CARD10: variants seen among roughly 807,000 people sequenced by gnomAD.
The protein encoded by CARD10 is caspase recruitment domain-containing protein 10.
Under a neutral mutation model 114.6 loss-of-function variants are expected in CARD10, and 49 were observed. The observed-to-expected ratio is 0.43, with a 90% CI of 0.34 to 0.54. The LOEUF (loss-of-function observed/expected upper bound fraction) is 0.54, where lower values mean the gene tolerates loss of function less well. CARD10 is among the 20% of genes least tolerant of loss of function. The pLI is 0.03. For synonymous variants in CARD10, 602 were observed against 593.2 expected (o/e 1.01, Z -0.21); for missense variants, 1,206 against 1,397.2 (o/e 0.86, Z 2.18).
In CARD10 at chr22:37,495,900, G is replaced by C. The variant is rs1377689928; in HGVS notation, c.2163C>G (p.Pro721=). The C allele has an allele frequency of 3.7e-6, 6 of 1,614,150 alleles. No individual in the cohort carries two copies. The highest frequency in any genetic ancestry group is 5.1e-6 in the Non-Finnish European group (6 of 1,180,042). The part of the protein sequence containing the change: ...ANLTLPERAD[P]HALCVKAQEI... ...CTTGGGCTTTCACGCAAAGGGCATG[G>C]GGATCTGCCCTCTCAGGCAAGGTGA... The change falls in exon 14 of 20, where the codon CCC becomes CCG. Residue 721 remains proline, a synonymous_variant. Coordinates refer to ENST00000251973, the MANE Select transcript of CARD10 (RefSeq NM_014550.4).
At chr22:37,512,415 G>C (rs1279294730) in intron 3 of CARD10, among the ~76,000 whole-genome samples, 1 of 150,134 alleles carries the variant, frequency 6.7e-6, no homozygotes, top group East Asian at 2.0e-4. Context: ...CTCTTGGAAA[G>C]TGACTTGCTA....
chr22:37,491,475 G>T (rs1212143821), intron 19 of CARD10, 82 bp from the exon 20 acceptor site: 9 of 1,008,218 alleles, frequency 8.9e-6, no homozygotes, highest in Non-Finnish European at 1.1e-5. Context: ...AGACAAAGGG[G>T]GAAGAGTCAG....
At chr22:37,498,917 G>T (rs1481641259) in intron 11 of CARD10, among the ~76,000 whole-genome samples, 5 of 127,458 alleles carry the variant, frequency 3.9e-5, no homozygotes, top group Non-Finnish European at 8.3e-5. Context: ...GGGGGGGGGG[G>T]CACATGAATA....
chr22:37,509,446 G>T (rs1257368509), intron 4 of CARD10, among the ~76,000 whole-genome samples: 1 of 152,110 alleles, frequency 6.6e-6, no homozygotes. Context: ...AGGGCCCTCA[G>T]CTCAGAGCTT....
chr22:37,491,969 A>G, intron 18 of CARD10, 102 bp from the exon 19 acceptor site: 1 of 756,944 alleles, frequency 1.3e-6, no homozygotes, highest in Non-Finnish European at 2.3e-6. Flanking sequence ...TCCCAGATGC[A>G]AGTCCTGCCT....
At chr22:37,504,398 A>T in intron 8 of CARD10, 97 bp from the exon 9 acceptor site, 1 of 1,065,030 alleles carries the variant, frequency 9.4e-7, no homozygotes, top group South Asian at 1.7e-5. Context: ...AATGAGAAGT[A>T]GGGCCCAGAG....
chr22:37,510,186 G>A, intron 4 of CARD10, 26 bp downstream of exon 4: 1 of 1,590,156 alleles, frequency 6.3e-7, no homozygotes, highest in East Asian at 2.2e-5. Context: ...CCCCCAGCCT[G>A]TGCCCACAAG....
At position 37,511,375 on chromosome 22, in the gene CARD10, A is replaced by AAAG. The variant is rs1252024837; in HGVS notation, c.700-957_700-955dup. Among the ~76,000 whole-genome samples, 428 of 117,166 alleles carry AAAG rather than the reference A, an allele frequency of 3.7e-3. 3 individuals carry two copies. The highest frequency in any genetic ancestry group is 7.1e-3 in the East Asian group (24 of 3,388). 76.9% of individuals were successfully genotyped at this position (117,166 alleles called of 152,430 possible). A position where few individuals can be genotyped will look rare whatever the true frequency, so the allele number is the denominator to read the frequency against. ...CCTGTCTCAAAAAAAAAAAAAAAAA[A>AAAG]AAGAAGAAGAAGGAGAAGGGGGTGA... is the stretch of plus-strand genomic sequence containing the variant. On this transcript the variant is annotated intron_variant, in intron 3 of 19. Transcript: ENST00000251973.
rs917610094 is a variant in CARD10 at position 37,501,842 on chromosome 22, A to G, written c.1787+760T>C. The stretch of plus-strand genomic sequence containing the variant: ...ATAACTAAACCCTCCCACATTTCCC[A>G]GAGTGTACAAGCCAAAGTCCACACT... On this transcript the variant is annotated intron_variant, in intron 11 of 19. Transcript: ENST00000251973. The surrounding 1 kb of genome is among the most constrained non-coding windows in gnomAD (Gnocchi z 5.4). 6.6e-6 allele frequency among the ~76,000 whole-genome samples: 1 copy of G among 152,200 alleles called. No individual in the cohort carries two copies. Among genetic ancestry groups the G allele is most frequent in the Non-Finnish European group, 1.5e-5 (1 of 68,028 alleles).
chr22:37,516,622 G>C (rs1923854622), intron 2 of CARD10, among the ~76,000 whole-genome samples: 2 of 152,192 alleles, frequency 1.3e-5, no homozygotes, highest in Middle Eastern at 3.4e-3. Flanking sequence ...AAATCAATAA[G>C]ATCAACAACC....
At chr22:37,518,765 T>C (rs1036274774) in intron 1 of CARD10, among the ~76,000 whole-genome samples, 1 of 152,124 alleles carries the variant, frequency 6.6e-6, no homozygotes, top group Admixed American at 6.5e-5. Flanking sequence ...CTGACCCCGG[T>C]GTGGGCAACG....
At position 37,495,533 on chromosome 22, in the gene CARD10, C is replaced by T. The variant is rs200567275; in HGVS notation, c.2357G>A (p.Arg786Gln). The T allele has an allele frequency of 9.9e-5, 160 of 1,612,274 alleles. No individual in the cohort carries two copies. In the East Asian group the frequency reaches 2.3e-3, roughly 23 times the overall value. The change falls in exon 15 of 20, where the codon CGA becomes CAA. Residue 786 changes from arginine to glutamine, a missense_variant. Arg to Gln is a conservative substitution (Grantham distance 43). Transcript: ENST00000251973. ...QEKCLPSSRH[R>Q]GPRSNLKKRA... ...CGTGCTCACATTACTGCGGGGGCCT[C>T]GGTGCCGGCTGGAGGGCAGGCATTT...
Position 37,494,098 on chromosome 22 carries a change from C to G in CARD10, c.2464G>C (p.Glu822Gln). ...CCCGCGCACTCACCTGCACAGGGCT[C>G]CAGCAGCAGCTGATCCGGGGAGTCC... ...AGDSPDQLLLEPCAEPERSLR... is the reference protein window; with the variant it reads ...AGDSPDQLLLQPCAEPERSLR... The change falls in exon 16 of 20, where the codon GAG becomes CAG. Residue 822 changes from glutamate to glutamine, a missense_variant. Transcript: ENST00000251973. The G allele has an allele frequency of 6.4e-7, 1 of 1,556,002 alleles. No homozygotes were observed. Among genetic ancestry groups the G allele is most frequent in the Non-Finnish European group, 8.7e-7 (1 of 1,149,782 alleles).
chr22:37,499,128 TC>T (rs1923120393), intron 11 of CARD10, among the ~76,000 whole-genome samples: 1 of 152,070 alleles, frequency 6.6e-6, no homozygotes, highest in South Asian at 2.1e-4. Context: ...ACCTTTTTGT[TC>T]CAGGCATGTG....
intron 2 of CARD10, among the ~76,000 whole-genome samples, chr22:37,516,803 G>A (rs1923859166): frequency 6.6e-6 from 1 of 152,116 alleles, no homozygotes; most frequent in Admixed American, 6.6e-5. Context: ...AACACTGTAA[G>A]GTAGGTACTA....
At chr22:37,509,081 G>A in intron 4 of CARD10, 1 of 1,547,992 alleles carries the variant, frequency 6.5e-7, no homozygotes, top group Non-Finnish European at 8.7e-7. Flanking sequence ...TCAAGGGGCT[G>A]AGCCTGGCCC....
Position 37,516,087 on chromosome 22 carries a change from G to A in CARD10, c.585C>T (p.Gly195=). The A allele has an allele frequency of 6.3e-7, 1 of 1,595,412 alleles. No homozygotes were observed. Among genetic ancestry groups the A allele is most frequent in the Non-Finnish European group, 8.5e-7 (1 of 1,171,592 alleles). Residue 195 remains glycine (G), a synonymous_variant, in exon 3 of 20, where the codon GGC becomes GGT. Transcript: ENST00000251973. ...CQRLREDWEA[G]SLELLRLKDE... Reference sequence around the variant, plus strand: ...CCTTGAGCCGCAGCAGCTCCAGGCTGCCCGCCTCCCAGTCCTCCCGCAGCC... The same window carrying A: ...CCTTGAGCCGCAGCAGCTCCAGGCTACCCGCCTCCCAGTCCTCCCGCAGCC...
chr22:37,500,526 C>T (rs1422906712), intron 11 of CARD10, among the ~76,000 whole-genome samples: 1 of 152,062 alleles, frequency 6.6e-6, no homozygotes, highest in African/African-American at 2.4e-5. Context: ...CACCCAGGCT[C>T]CAGGAGCTGA....
At position 37,519,345 on chromosome 22, in the gene CARD10, C is replaced by A. The variant is rs1479014194; in HGVS notation, c.-145G>T. The A allele has an allele frequency of 3.1e-6, 4 of 1,304,804 alleles. No individual in the cohort carries two copies. The Admixed American group carries it at 1.2e-4, about 40-fold the overall frequency. The allele number at this position is 1,304,804 out of a possible 1,614,324, so 80.8% of individuals were successfully genotyped here. A position where few individuals can be genotyped will look rare whatever the true frequency, so the allele number is the denominator to read the frequency against. On this transcript the variant is annotated 5_prime_UTR_variant, in exon 1 of 20. Coordinates refer to ENST00000251973, the MANE Select transcript of CARD10 (RefSeq NM_014550.4). The surrounding 1 kb of genome is among the most constrained non-coding windows in gnomAD (Gnocchi z 4.1). Reference sequence around the variant, plus strand: ...GCCCCGAGCTCCCCGCGACTCACCCCGCACGCTACAGTCGCCTCGGGCTCC... The same window carrying A: ...GCCCCGAGCTCCCCGCGACTCACCCAGCACGCTACAGTCGCCTCGGGCTCC...
Sources: allele counts gnomAD v4.1 joint callset (sites outside exome capture counted in the v4.1 genomes callset), GRCh38; gene constraint gnomAD v4.1.1; non-coding constraint Gnocchi (gnomAD v3.1); transcripts MANE v1.5; gene names NCBI Gene and HGNC (gene_info 2026-07-23, HGNC 2026-07-21).